Variants in KCNIP4 observed in about 807,000 individuals in gnomAD.
KCNIP4 encodes Kv channel-interacting protein 4.
Under a neutral mutation model 34.0 loss-of-function variants are expected in KCNIP4, and 12 were observed. That is an observed-to-expected ratio of 0.35 (90% CI 0.23 to 0.57). The LOEUF is 0.57. Ranked by LOEUF, KCNIP4 falls within the 20% of genes least tolerant of loss-of-function variation. The probability of loss-of-function intolerance (pLI) is 0.83; values close to 1 mark genes in which losing one functional copy is unlikely to be tolerated. For missense variants in KCNIP4, 238 were observed against 311.7 expected, an observed-to-expected ratio of 0.76 and a Z score of 1.78; for synonymous variants, 124 against 102.2, an observed-to-expected ratio of 1.21 and a Z score of -1.29.
chr4:21,352,934 C>T (rs1370286817), intron 1 of KCNIP4, among the ~76,000 whole-genome samples: 2 of 152,124 alleles, frequency 1.3e-5, no homozygotes, highest in Non-Finnish European at 2.9e-5. Flanking sequence ...GAGGAAGGAT[C>T]AGACAGCAAC....
At chr4:21,144,028 GTC>G (rs926314545) in intron 1 of KCNIP4, among the ~76,000 whole-genome samples, 3 of 152,274 alleles carry the variant, frequency 2.0e-5, no homozygotes, top group East Asian at 1.9e-4. Flanking sequence ...ATTCTGTGAA[GTC>G]TCTGTGCCTT....
chr4:21,276,236 A>T (rs964590479), intron 1 of KCNIP4, among the ~76,000 whole-genome samples: 4 of 152,242 alleles, frequency 2.6e-5, no homozygotes, highest in Admixed American at 1.3e-4. Flanking sequence ...ATGCAGTCAC[A>T]ACCCTGCTGA....
chr4:21,353,404 A>C (rs898007460), intron 1 of KCNIP4, among the ~76,000 whole-genome samples: 2 of 152,204 alleles, frequency 1.3e-5, no homozygotes, highest in Non-Finnish European at 2.9e-5. Context: ...CCTTGAAAAA[A>C]GGTTAGATGA....
chr4:20,845,356 C>T (rs536134120), intron 3 of KCNIP4, among the ~76,000 whole-genome samples: 14 of 152,280 alleles, frequency 9.2e-5, no homozygotes, highest in Non-Finnish European at 1.5e-4. Context: ...GATCAATCAA[C>T]CTAGTGACAC....
intron 1 of KCNIP4, among the ~76,000 whole-genome samples, chr4:21,720,209 TG>T (rs1714706707): frequency 6.6e-6 from 1 of 152,134 alleles, no homozygotes; most frequent in South Asian, 2.1e-4. Flanking sequence ...TCAGGAAGTA[TG>T]CACTAGGCCA....
chr4:21,074,082 A>G (rs1560697597), intron 1 of KCNIP4, among the ~76,000 whole-genome samples: 1 of 152,164 alleles, frequency 6.6e-6, no homozygotes, highest in African/African-American at 2.4e-5. Context: ...CATCAGGGAT[A>G]TTGGTCTAAA....
chr4:20,730,791 G>A (rs1244571440), intron 8 of KCNIP4, among the ~76,000 whole-genome samples: 1 of 152,078 alleles, frequency 6.6e-6, no homozygotes, highest in East Asian at 1.9e-4. Flanking sequence ...ACAGACTTTG[G>A]GCATTATTGG....
At chr4:20,964,170 T>G (rs1734120918) in intron 1 of KCNIP4, among the ~76,000 whole-genome samples, 1 of 152,126 alleles carries the variant, frequency 6.6e-6, no homozygotes, top group Non-Finnish European at 1.5e-5. Context: ...TTGTGAAAAT[T>G]GGTTGCTGTT....
chr4:21,027,905 T>C (rs10029222), intron 1 of KCNIP4, among the ~76,000 whole-genome samples: 3,795 of 152,324 alleles, frequency 0.025, 153 homozygotes, highest in African/African-American at 0.08. Context: ...TTTATATTTC[T>C]AGTCTGAACC....
At chr4:21,511,642 G>A (rs950059819) in intron 1 of KCNIP4, among the ~76,000 whole-genome samples, 2 of 152,146 alleles carry the variant, frequency 1.3e-5, no homozygotes, top group Non-Finnish European at 2.9e-5. Context: ...AACGCTCCTT[G>A]TAAGTAGGAC....
At chr4:21,664,215 C>T (rs956331180) in intron 1 of KCNIP4, among the ~76,000 whole-genome samples, 4 of 152,146 alleles carry the variant, frequency 2.6e-5, no homozygotes, top group African/African-American at 9.7e-5. Flanking sequence ...TCCAAAAGTG[C>T]TGGCATTACA....
chr4:21,674,876 T>C (rs2109014447), intron 1 of KCNIP4, among the ~76,000 whole-genome samples: 1 of 152,296 alleles, frequency 6.6e-6, no homozygotes, highest in Admixed American at 6.5e-5. Context: ...AAATTAGTTT[T>C]AGTGAAATAA....
intron 3 of KCNIP4, chr4:20,766,872 A>G (rs1049917972): frequency 3.3e-5 from 5 of 152,012 alleles, no homozygotes; most frequent in African/African-American, 9.7e-5. Context: ...TTGAACCCCT[A>G]CTCTGCCACT....
intron 1 of KCNIP4, among the ~76,000 whole-genome samples, chr4:20,944,699 A>G (rs1316508561): frequency 6.6e-6 from 1 of 152,102 alleles, no homozygotes; most frequent in Non-Finnish European, 1.5e-5. Context: ...AGGCCTATCT[A>G]AGCCTCAGGC....
At chr4:21,485,479 C>T (rs1438392009) in intron 1 of KCNIP4, among the ~76,000 whole-genome samples, 1 of 152,128 alleles carries the variant, frequency 6.6e-6, no homozygotes, top group East Asian at 1.9e-4. Context: ...ATTGAAATTG[C>T]AAGTTGCAAT....
intron 1 of KCNIP4, among the ~76,000 whole-genome samples, chr4:21,839,817 G>C (rs555301471): frequency 1.3e-5 from 2 of 152,040 alleles, no homozygotes; most frequent in African/African-American, 4.8e-5. Flanking sequence ...TGAAGAATGC[G>C]GACCAATGCT....
At chr4:21,741,117 T>A (rs1158613519) in intron 1 of KCNIP4, among the ~76,000 whole-genome samples, 2 of 152,330 alleles carry the variant, frequency 1.3e-5, no homozygotes, top group South Asian at 4.1e-4. Context: ...CTTGTTCATA[T>A]AAGAGGCACC....
chr4:21,771,843 T>G (rs1350428261), intron 1 of KCNIP4, among the ~76,000 whole-genome samples: 1 of 152,174 alleles, frequency 6.6e-6, no homozygotes, highest in African/African-American at 2.4e-5. Context: ...ATGATGGGGT[T>G]TTCTAAATAT....
At chr4:21,210,207 A>G (rs1757124882) in intron 1 of KCNIP4, among the ~76,000 whole-genome samples, 2 of 152,208 alleles carry the variant, frequency 1.3e-5, no homozygotes, top group South Asian at 4.1e-4. Context: ...TGCCTCATTA[A>G]CAATTGTTGC....
Sources: gnomAD v4.1 joint callset for allele counts (sites outside exome capture counted in the v4.1 genomes callset) on GRCh38, gnomAD v4.1.1 for gene constraint, MANE v1.5 for transcripts, NCBI Gene and HGNC (gene_info 2026-07-23, HGNC 2026-07-21) for gene names.